Variants in GPR158 observed in about 807,000 individuals in gnomAD.
GPR158 encodes metabotropic glycine receptor.
A neutral mutation model predicts 78.2 loss-of-function variants in GPR158; 30 were observed. The observed-to-expected ratio is 0.38, with a 90% CI of 0.29 to 0.52. GPR158 has a LOEUF of 0.52. GPR158 is among the 20% of genes least tolerant of loss of function. GPR158 has a pLI of 0.83. For missense variants in GPR158, 1,463 were observed against 1,523.5 expected, an observed-to-expected ratio of 0.96 and a Z score of 0.66; for synonymous variants, 581 against 591.1, an observed-to-expected ratio of 0.98 and a Z score of 0.25.
At chr10:25,312,364 T>A (rs772552709) in intron 2 of GPR158, among the ~76,000 whole-genome samples, 1 of 152,100 alleles carries the variant, frequency 6.6e-6, no homozygotes, top group Admixed American at 6.6e-5. Context: ...AAATTACCAC[T>A]GATCTCATCA....
At chr10:25,346,839 G>A (rs942993329) in intron 2 of GPR158, among the ~76,000 whole-genome samples, 3 of 151,902 alleles carry the variant, frequency 2.0e-5, no homozygotes, top group African/African-American at 7.2e-5. Flanking sequence ...CAGTATACCT[G>A]ACACAGACAT....
chr10:25,440,535 G>A (rs147447067), intron 4 of GPR158, among the ~76,000 whole-genome samples: 1 of 152,290 alleles, frequency 6.6e-6, no homozygotes, highest in Non-Finnish European at 1.5e-5. Context: ...GAAAAAGGCG[G>A]AGTTAACATG....
At chr10:25,446,879 G>A (rs879710617) in intron 4 of GPR158, among the ~76,000 whole-genome samples, 5 of 152,074 alleles carry the variant, frequency 3.3e-5, no homozygotes, top group African/African-American at 9.7e-5. Flanking sequence ...ATTTTAAATC[G>A]GCAGATAAGA....
chr10:25,234,428 T>C (rs1853495932), intron 2 of GPR158, among the ~76,000 whole-genome samples: 1 of 152,226 alleles, frequency 6.6e-6, no homozygotes, highest in African/African-American at 2.4e-5. Flanking sequence ...CTATAGTGAG[T>C]GCATTATGGG....
In GPR158 at chr10:25,307,223, A is replaced by G. The variant is rs189543822; in HGVS notation, c.1008+86066A>G. Among the ~76,000 whole-genome samples, 949 of 151,784 alleles carry G rather than the reference A, an allele frequency of 6.3e-3. 9 individuals are homozygous for G. Among genetic ancestry groups the G allele is most frequent in the African/African-American group, 0.022 (896 of 41,378 alleles). ...TATAAGCATAATTCTATTTAAAGATAGTGTTTTTTTTTTGCATTGCAAGAC... is the reference window on the plus strand; with the variant it reads ...TATAAGCATAATTCTATTTAAAGATGGTGTTTTTTTTTTGCATTGCAAGAC... On this transcript the variant is annotated intron_variant, in intron 2 of 10. Transcript: ENST00000376351.
chr10:25,200,868 G>GGT (rs1852915005), intron 1 of GPR158, among the ~76,000 whole-genome samples: 2 of 113,304 alleles, frequency 1.8e-5, no homozygotes, highest in Admixed American at 9.2e-5. Context: ...TTTTTGTTTT[G>GGT]TTTTTTTTTT....
chr10:25,418,014 T>C (rs1189517935), intron 4 of GPR158, among the ~76,000 whole-genome samples: 1 of 152,146 alleles, frequency 6.6e-6, no homozygotes, highest in Non-Finnish European at 1.5e-5. Context: ...AGTAGCTCTG[T>C]GAATTGACAA....
In GPR158 at chr10:25,241,324, C is replaced by CTCTTT. The variant is rs1182686692; in HGVS notation, c.1008+20171_1008+20172insTTCTT. 2.9e-4 allele frequency among the ~76,000 whole-genome samples: 36 copies of CTCTTT among 123,814 alleles called. 1 individual carries two copies. Among genetic ancestry groups the CTCTTT allele is most frequent in the African/African-American group, 1.2e-3 (35 of 29,172 alleles). The allele number at this position is 123,814 out of a possible 152,430, so 81.2% of individuals were successfully genotyped here. ...CTTTTCTTTTCTTTTCTCTTCTCTTCTCTTCTCTTCTCTTTTCTCTTTTCT... is the reference window on the plus strand; with the variant it reads ...CTTTTCTTTTCTTTTCTCTTCTCTTCTCTTTTCTTCTCTTCTCTTTTCTCTTTTCT... On this transcript the variant is annotated intron_variant, in intron 2 of 10. Coordinates refer to ENST00000376351, the MANE Select transcript of GPR158 (RefSeq NM_020752.3).
At chr10:25,549,518 T>C (rs1308097455) in intron 5 of GPR158, among the ~76,000 whole-genome samples, 1 of 152,020 alleles carries the variant, frequency 6.6e-6, no homozygotes, top group Non-Finnish European at 1.5e-5. Context: ...TGAAGGAAAA[T>C]ATTTATCTGT....
intron 5 of GPR158, among the ~76,000 whole-genome samples, chr10:25,483,305 C>A (rs1835684524): frequency 6.6e-6 from 1 of 152,048 alleles, no homozygotes; most frequent in Admixed American, 6.6e-5. Context: ...ACACTGGGCT[C>A]TTCATTGTTC....
At chr10:25,261,390 T>C (rs1434642212) in intron 2 of GPR158, among the ~76,000 whole-genome samples, 1 of 152,190 alleles carries the variant, frequency 6.6e-6, no homozygotes. Context: ...TCTGTGAAAC[T>C]AGGTCTACTA....
At chr10:25,307,791 T>G (rs1039379061) in intron 2 of GPR158, among the ~76,000 whole-genome samples, 6 of 152,228 alleles carry the variant, frequency 3.9e-5, no homozygotes, top group African/African-American at 1.4e-4. Flanking sequence ...TTCTGTAGTT[T>G]ATTTAATTAT....
chr10:25,479,817 AT>A (rs1835640217), intron 5 of GPR158, among the ~76,000 whole-genome samples: 1 of 151,836 alleles, frequency 6.6e-6, no homozygotes, highest in African/African-American at 2.4e-5. Context: ...AATTATCTTT[AT>A]TTTTTTCTGT....
intron 2 of GPR158, among the ~76,000 whole-genome samples, chr10:25,383,465 T>C (rs911928891): frequency 3.3e-5 from 5 of 152,152 alleles, no homozygotes; most frequent in Admixed American, 1.3e-4. Context: ...CTGCAGAGAC[T>C]TACCTGAGGC....
At chr10:25,231,710 G>A (rs940165785) in intron 2 of GPR158, among the ~76,000 whole-genome samples, 16 of 152,122 alleles carry the variant, frequency 1.1e-4, no homozygotes, top group African/African-American at 3.6e-4. Context: ...AACACAAATC[G>A]GAATGTGGGA....
At chr10:25,327,527 T>A (rs1855053714) in intron 2 of GPR158, among the ~76,000 whole-genome samples, 1 of 148,942 alleles carries the variant, frequency 6.7e-6, no homozygotes, top group South Asian at 2.1e-4. Flanking sequence ...CATTTTGGAA[T>A]GACTTCACTT....
intron 2 of GPR158, among the ~76,000 whole-genome samples, chr10:25,321,313 T>G (rs1854944723): frequency 6.6e-6 from 1 of 152,206 alleles, no homozygotes; most frequent in South Asian, 2.1e-4. Flanking sequence ...TATATTGGGA[T>G]TTATATTTCC....
intron 2 of GPR158, among the ~76,000 whole-genome samples, chr10:25,257,081 C>G (rs947550544): frequency 2.0e-5 from 3 of 152,140 alleles, no homozygotes; most frequent in African/African-American, 7.2e-5. Context: ...GTTTATTTGG[C>G]TCATAGTTTT....
At chr10:25,372,898 A>T (rs1056691425) in intron 2 of GPR158, among the ~76,000 whole-genome samples, 5 of 151,814 alleles carry the variant, frequency 3.3e-5, no homozygotes, top group African/African-American at 1.2e-4. Context: ...AATACAAAGA[A>T]AAAAAGACCT....
Sources: gnomAD v4.1 joint callset for allele counts (sites outside exome capture counted in the v4.1 genomes callset) on GRCh38, gnomAD v4.1.1 for gene constraint, MANE v1.5 for transcripts, NCBI Gene and HGNC (gene_info 2026-07-23, HGNC 2026-07-21) for gene names.